PIGL: variants seen among roughly 807,000 people sequenced by gnomAD.
The protein encoded by PIGL is N-acetylglucosaminyl-phosphatidylinositol de-N-acetylase.
Under a neutral mutation model 31.1 loss-of-function variants are expected in PIGL, and 22 were observed. That is an observed-to-expected ratio of 0.71 (90% CI 0.51 to 1.01). The LOEUF is 1.01. Among genes scored for constraint, PIGL ranks in the 50% least tolerant of loss-of-function variants. PIGL has a pLI of 0.00. For missense variants in PIGL, 302 were observed against 315.9 expected, an observed-to-expected ratio of 0.96 and a Z score of 0.33; for synonymous variants, 131 against 117.4, an observed-to-expected ratio of 1.12 and a Z score of -0.75.
chr17:16,287,554 C>T (rs1243653582), intron 2 of PIGL, among the ~76,000 whole-genome samples: 1 of 152,222 alleles, frequency 6.6e-6, no homozygotes, highest in Non-Finnish European at 1.5e-5. Context: ...TTAAGAAGTT[C>T]TCTCACAGAC....
At chr17:16,303,538 C>T (rs1480419013) in intron 3 of PIGL, among the ~76,000 whole-genome samples, 3 of 151,494 alleles carry the variant, frequency 2.0e-5, no homozygotes, top group African/African-American at 7.3e-5. Context: ...TAATAAATTT[C>T]TCCTTTTTTT....
chr17:16,232,851 G>A (rs2092684566), intron 1 of PIGL, among the ~76,000 whole-genome samples: 1 of 152,052 alleles, frequency 6.6e-6, no homozygotes, highest in Non-Finnish European at 1.5e-5. Flanking sequence ...TGGGCGCAGT[G>A]GCTCACACTT....
chr17:16,241,114 CAAAAAAAAAAAAAA>C (rs35578509), intron 2 of PIGL, among the ~76,000 whole-genome samples: 946 of 53,018 alleles, frequency 0.018, 24 homozygotes, highest in African/African-American at 0.067. Context: ...AACTCCCTCT[CAAAAAAAAAAAAAA>C]AAAAAAAAGA....
intron 1 of PIGL, among the ~76,000 whole-genome samples, chr17:16,218,896 C>G (rs572856469): frequency 5.3e-5 from 8 of 151,754 alleles, no homozygotes; most frequent in Non-Finnish European, 1.0e-4. Flanking sequence ...CCAGGCTGGT[C>G]TCAAACTCCT....
chr17:16,227,449 C>T (rs2142653035), intron 1 of PIGL, among the ~76,000 whole-genome samples: 1 of 152,088 alleles, frequency 6.6e-6, no homozygotes, highest in African/African-American at 2.4e-5. Context: ...GATATGAATG[C>T]AATCCTTTTG....
chr17:16,312,762 A>C, intron 3 of PIGL: 1 of 157,062 alleles, frequency 6.4e-6, no homozygotes, highest in Non-Finnish European at 1.4e-5. Flanking sequence ...CCACCAAAAA[A>C]ATACGAAAAC....
At chr17:16,277,748 C>T in intron 2 of PIGL, among the ~76,000 whole-genome samples, 1 of 152,154 alleles carries the variant, frequency 6.6e-6, no homozygotes, top group East Asian at 1.9e-4. Flanking sequence ...CAACAATTGT[C>T]CGTGGGTGAC....
intron 2 of PIGL, 74 bp from the exon 3 acceptor site, chr17:16,299,814 T>C: frequency 1.9e-6 from 2 of 1,029,418 alleles, no homozygotes; most frequent in East Asian, 2.4e-5. Flanking sequence ...AAACTGGGCA[T>C]GCACCTACTG....
In PIGL at chr17:16,287,210, TGCTGTCTGCCCCAGG is replaced by T. The variant is rs574772707; in HGVS notation, c.336-12674_336-12660del. 4.4e-3 allele frequency among the ~76,000 whole-genome samples: 676 copies of T among 152,340 alleles called. 7 individuals carry two copies. Among genetic ancestry groups the T allele is most frequent in the African/African-American group, 0.015 (632 of 41,582 alleles). ...CGCCTCAGGCCCACACTGCTCCTCCTGCTGTCTGCCCCAGGGCTTGCGATTGCCCGGGGGTCCCCA... is the reference window on the plus strand; with the variant it reads ...CGCCTCAGGCCCACACTGCTCCTCCTGCTTGCGATTGCCCGGGGGTCCCCA... On this transcript the variant is annotated intron_variant, in intron 2 of 6. Transcript: ENST00000225609.
At chr17:16,323,743 G>C (rs564299832) in intron 6 of PIGL, among the ~76,000 whole-genome samples, 2 of 150,270 alleles carry the variant, frequency 1.3e-5, no homozygotes, top group East Asian at 3.9e-4. Flanking sequence ...CTCCTGCGTA[G>C]CTGGGATTAC....
At chr17:16,262,357 TG>T (rs2092822730) in intron 2 of PIGL, among the ~76,000 whole-genome samples, 3 of 152,184 alleles carry the variant, frequency 2.0e-5, no homozygotes, top group African/African-American at 7.2e-5. Context: ...ATTAGTGGAA[TG>T]CAAATCCAAA....
intron 2 of PIGL, among the ~76,000 whole-genome samples, chr17:16,251,422 CAAAAA>C (rs34657944): frequency 7.9e-6 from 1 of 126,302 alleles, no homozygotes; most frequent in African/African-American, 2.9e-5. Flanking sequence ...GACTCTGTCT[CAAAAA>C]AAAAAAAAAA....
chr17:16,284,587 G>C (rs919018925), intron 2 of PIGL, among the ~76,000 whole-genome samples: 1 of 152,134 alleles, frequency 6.6e-6, no homozygotes, highest in African/African-American at 2.4e-5. Flanking sequence ...GCCTGCACTT[G>C]ATGGATCAGC....
intron 2 of PIGL, among the ~76,000 whole-genome samples, chr17:16,250,437 A>G (rs1600776748): frequency 6.6e-6 from 1 of 152,114 alleles, no homozygotes; most frequent in Non-Finnish European, 1.5e-5. Flanking sequence ...CCTCCTAAAA[A>G]CCTGCCTCCA....
intron 3 of PIGL, among the ~76,000 whole-genome samples, chr17:16,307,277 T>G (rs2093030168): frequency 6.6e-6 from 1 of 152,174 alleles, no homozygotes; most frequent in South Asian, 2.1e-4. Context: ...TTGTGTTTTG[T>G]GGTTGTTTCC....
chr17:16,324,691 G>A (rs1178867143), intron 6 of PIGL, among the ~76,000 whole-genome samples: 1 of 152,050 alleles, frequency 6.6e-6, no homozygotes, highest in Non-Finnish European at 1.5e-5. Context: ...AATATAAAAG[G>A]GGTTATTTAC....
At chr17:16,314,547 A>C (rs2093067873) in intron 4 of PIGL, among the ~76,000 whole-genome samples, 1 of 152,148 alleles carries the variant, frequency 6.6e-6, no homozygotes, top group Non-Finnish European at 1.5e-5. Flanking sequence ...CTTGTCCTTA[A>C]ATTTTACATC....
chr17:16,315,976 G>A (rs1167014252), intron 4 of PIGL, among the ~76,000 whole-genome samples: 2 of 152,026 alleles, frequency 1.3e-5, no homozygotes, highest in Admixed American at 6.6e-5. Context: ...GTTTACAGGC[G>A]TGAGCCACCG....
chr17:16,308,907 C>T (rs1312280954), intron 3 of PIGL, among the ~76,000 whole-genome samples: 3 of 149,998 alleles, frequency 2.0e-5, no homozygotes, highest in South Asian at 2.1e-4. Context: ...CTGTCTTCCT[C>T]TCCCAAGTAG....
Sources: allele counts gnomAD v4.1 joint callset (sites outside exome capture counted in the v4.1 genomes callset), GRCh38; gene constraint gnomAD v4.1.1; transcripts MANE v1.5; gene names NCBI Gene and HGNC (gene_info 2026-07-23, HGNC 2026-07-21).